CD1B: variants seen among roughly 807,000 people sequenced by gnomAD.
CD1B encodes the protein CD1b molecule.
A neutral mutation model predicts 39.8 loss-of-function variants in CD1B; 43 were observed. The ratio of observed to expected loss-of-function variants is 1.08; its 90% CI spans 0.85 to 1.39. The LOEUF (loss-of-function observed/expected upper bound fraction) is 1.39. Ranked by LOEUF, CD1B falls within the 40% of genes most tolerant of loss-of-function variation. The probability of loss-of-function intolerance (pLI) is 0.00; values close to 1 mark genes in which losing one functional copy is unlikely to be tolerated. For synonymous variants in CD1B, 192 were observed against 152.5 expected (o/e 1.26, Z -1.91); for missense variants, 495 against 403.8 (o/e 1.23, Z -1.94).
the CD1B span, among the ~76,000 whole-genome samples, chr1:158,288,311 A>G: frequency 6.6e-6 from 1 of 152,250 alleles, no homozygotes. Context: ...AACCTAAGAA[A>G]TAGTGTATAT....
the CD1B span, among the ~76,000 whole-genome samples, chr1:158,287,329 A>G: frequency 1.3e-5 from 2 of 152,138 alleles, no homozygotes; most frequent in Non-Finnish European, 2.9e-5. Context: ...AGGGAGAGAC[A>G]GAGAGACAGA....
the CD1B span, among the ~76,000 whole-genome samples, chr1:158,307,819 T>G: frequency 6.6e-6 from 1 of 152,170 alleles, no homozygotes; most frequent in African/African-American, 2.4e-5. Context: ...AAATTAGGTA[T>G]TGATGGGATG....
downstream of CD1B, among the ~76,000 whole-genome samples, chr1:158,323,526 T>C (rs1652256169): frequency 6.6e-6 from 1 of 152,186 alleles, no homozygotes; most frequent in African/African-American, 2.4e-5. Flanking sequence ...AGGTCAAAAT[T>C]CCCTGGTTGT....
chr1:158,308,771 T>G, the CD1B span, among the ~76,000 whole-genome samples: 11 of 152,218 alleles, frequency 7.2e-5, no homozygotes, highest in Admixed American at 6.5e-4. Context: ...GAAAACTGGT[T>G]AGCCATATGT....
chr1:158,313,218 TC>T, the CD1B span, among the ~76,000 whole-genome samples: 7 of 152,342 alleles, frequency 4.6e-5, no homozygotes, highest in South Asian at 1.4e-3. Flanking sequence ...TAAAGGCTGG[TC>T]TTTTAAGTAT....
chr1:158,292,039 C>T, the CD1B span: 5 of 1,564,566 alleles, frequency 3.2e-6, no homozygotes, highest in African/African-American at 6.9e-5. Flanking sequence ...CTGTTGTTTT[C>T]ACTTTTTTGT....
rs1261379079 is a variant in CD1B at position 158,329,562 on chromosome 1, T to C, written c.694A>G (p.Lys232Glu). The C allele has an allele frequency of 6.2e-7, 1 of 1,613,984 alleles. No homozygotes were observed. Among genetic ancestry groups the C allele is most frequent in the Non-Finnish European group, 8.5e-7 (1 of 1,180,000 alleles). Residue 232 changes from lysine (K) to glutamate (E), a missense_variant, in exon 4 of 6, where the codon AAG becomes GAG. Coordinates refer to ENST00000368168, the MANE Select transcript of CD1B (RefSeq NM_001764.3). ...LVCHVSGFYP[K>E]PVWVMWMRGE... ...CGCATCCACATCACCCACACGGGCT[T>C]TGGGTAGAATCCTGAGACATGGCAC...
the CD1B span, chr1:158,292,476 T>C: frequency 1.3e-6 from 2 of 1,484,614 alleles, no homozygotes; most frequent in South Asian, 2.6e-5. Flanking sequence ...GGGGGGTTGC[T>C]GGGTAATAGT....
At chr1:158,322,728 C>T in the CD1B span, among the ~76,000 whole-genome samples, 1 of 151,940 alleles carries the variant, frequency 6.6e-6, no homozygotes, top group African/African-American at 2.4e-5. Flanking sequence ...TCTGGAAGAG[C>T]CTTTATCTCT....
the CD1B span, among the ~76,000 whole-genome samples, chr1:158,307,575 C>A: frequency 1.3e-5 from 2 of 152,178 alleles, no homozygotes; most frequent in Admixed American, 6.5e-5. Context: ...TCCTACCTAA[C>A]TCATTTTATG....
the CD1B span, among the ~76,000 whole-genome samples, chr1:158,302,633 A>G: frequency 6.6e-6 from 1 of 152,104 alleles, no homozygotes; most frequent in South Asian, 2.1e-4. Context: ...AAATACAAAA[A>G]CCACTCAGAT....
At chr1:158,322,085 C>T in the CD1B span, among the ~76,000 whole-genome samples, 1 of 152,018 alleles carries the variant, frequency 6.6e-6, no homozygotes, top group South Asian at 2.1e-4. Context: ...TTTTCATGTC[C>T]CAATTTACAT....
At chr1:158,287,240 C>T in the CD1B span, among the ~76,000 whole-genome samples, 1 of 152,108 alleles carries the variant, frequency 6.6e-6, no homozygotes, top group African/African-American at 2.4e-5. Context: ...ATACAGACAA[C>T]TGCCTTCTCA....
At chr1:158,292,741 T>C in the CD1B span, 1 of 1,614,130 alleles carries the variant, frequency 6.2e-7, no homozygotes, top group Admixed American at 1.7e-5. Context: ...CTAAACATGG[T>C]GATATTCTTC....
At chr1:158,317,356 T>C in the CD1B span, among the ~76,000 whole-genome samples, 5 of 152,236 alleles carry the variant, frequency 3.3e-5, no homozygotes, top group African/African-American at 1.2e-4. Flanking sequence ...TATTGGTCTA[T>C]TCAGAGATTC....
the CD1B span, among the ~76,000 whole-genome samples, chr1:158,296,427 A>G: frequency 6.6e-6 from 1 of 152,224 alleles, no homozygotes; most frequent in African/African-American, 2.4e-5. Context: ...ATCAAAGAAT[A>G]TAAAAGCAAA....
chr1:158,327,959 A>G lies in CD1B; in HGVS notation c.*277T>C. 2.9e-6 allele frequency: 1 copy of G among 342,700 alleles called. No homozygotes were observed. Among genetic ancestry groups the G allele is most frequent in the Non-Finnish European group, 5.3e-6 (1 of 190,406 alleles). 21.2% of individuals were successfully genotyped at this position (342,700 alleles called of 1,614,324 possible). ...CCAAAGGGAGTCACCATTAAGTCAT[A>G]TGTATTATATTTCATTTATTTTGAG... On this transcript the variant is annotated 3_prime_UTR_variant, in exon 6 of 6. Coordinates refer to ENST00000368168, the MANE Select transcript of CD1B (RefSeq NM_001764.3).
chr1:158,314,973 AAAGGAC>A, the CD1B span, among the ~76,000 whole-genome samples: 6 of 148,086 alleles, frequency 4.1e-5, no homozygotes, highest in Non-Finnish European at 8.9e-5. Flanking sequence ...ATGTCCCTAC[AAAGGAC>A]ATGAACTCAT....
At chr1:158,316,807 C>G in the CD1B span, among the ~76,000 whole-genome samples, 4 of 151,762 alleles carry the variant, frequency 2.6e-5, no homozygotes, top group Non-Finnish European at 5.9e-5. Context: ...TCATAGATAG[C>G]TCTTATTATT....
Sources: allele counts gnomAD v4.1 joint callset (sites outside exome capture counted in the v4.1 genomes callset), GRCh38; gene constraint gnomAD v4.1.1; transcripts MANE v1.5; gene names NCBI Gene and HGNC (gene_info 2026-07-23, HGNC 2026-07-21).